Variants in EXOC4 observed in about 807,000 individuals in gnomAD.
EXOC4 encodes SEC8-like 1.
EXOC4 carries 71 observed loss-of-function variants against 107.2 expected under a neutral mutation model. The observed-to-expected ratio is 0.66, with a 90% confidence interval of 0.55 to 0.81. The LOEUF (loss-of-function observed/expected upper bound fraction) is 0.81, where lower values mean the gene tolerates loss of function less well. Ranked by LOEUF, EXOC4 falls within the 30% of genes least tolerant of loss-of-function variation. The probability of loss-of-function intolerance (pLI) is 0.00; values close to 1 mark genes in which losing one functional copy is unlikely to be tolerated. For missense variants in EXOC4, 1,108 were observed against 1,189.6 expected (o/e 0.93, Z 1.01); for synonymous variants, 456 against 441.2 (o/e 1.03, Z -0.42).
chr7:133,272,389 G>A (rs924935221), intron 1 of EXOC4, among the ~76,000 whole-genome samples: 11 of 152,006 alleles, frequency 7.2e-5, no homozygotes, highest in Admixed American at 4.6e-4. Flanking sequence ...TTAATTCAAC[G>A]TCTTTAAATC....
intron 9 of EXOC4, among the ~76,000 whole-genome samples, chr7:133,575,713 C>T (rs1407262798): frequency 6.6e-6 from 1 of 152,192 alleles, no homozygotes; most frequent in Non-Finnish European, 1.5e-5. Flanking sequence ...TCTCTCCTCC[C>T]TGGCTTCCCT....
At chr7:133,743,023 A>G (rs1166523890) in intron 10 of EXOC4, among the ~76,000 whole-genome samples, 4 of 152,182 alleles carry the variant, frequency 2.6e-5, no homozygotes, top group Non-Finnish European at 5.9e-5. Context: ...TCTTAAACCA[A>G]AGTCTGTACT....
At chr7:134,044,879 T>G (rs1327585081) in intron 17 of EXOC4, among the ~76,000 whole-genome samples, 1 of 152,236 alleles carries the variant, frequency 6.6e-6, no homozygotes, top group Non-Finnish European at 1.5e-5. Context: ...TTTTCTGATT[T>G]GAACTATTTT....
At chr7:133,580,349 G>C (rs571181860) in intron 9 of EXOC4, among the ~76,000 whole-genome samples, 4 of 152,156 alleles carry the variant, frequency 2.6e-5, no homozygotes, top group African/African-American at 9.6e-5. Context: ...AATTCTTTTG[G>C]ATATCTACTC....
chr7:133,858,355 T>C (rs758495829), intron 11 of EXOC4, among the ~76,000 whole-genome samples: 14 of 152,058 alleles, frequency 9.2e-5, no homozygotes, highest in Non-Finnish European at 1.9e-4. Flanking sequence ...TTTTATGGAC[T>C]CAAAAATGGA....
intron 16 of EXOC4, among the ~76,000 whole-genome samples, chr7:134,006,600 A>G (rs1264839402): frequency 6.6e-6 from 1 of 152,098 alleles, no homozygotes; most frequent in Non-Finnish European, 1.5e-5. Flanking sequence ...ATGGGGAGCC[A>G]TGGACCTAAA....
chr7:133,819,536 C>T (rs926452165), intron 11 of EXOC4, among the ~76,000 whole-genome samples: 1 of 146,242 alleles, frequency 6.8e-6, no homozygotes, highest in Non-Finnish European at 1.5e-5. Context: ...TGGATGGATA[C>T]AGTGAATAAG....
At chr7:133,595,338 A>G (rs971744038) in intron 9 of EXOC4, among the ~76,000 whole-genome samples, 5 of 152,154 alleles carry the variant, frequency 3.3e-5, no homozygotes, top group African/African-American at 9.7e-5. Flanking sequence ...GTCTGTCTCT[A>G]CCTTTCCCCT....
At chr7:134,003,279 G>A (rs1445620853) in intron 15 of EXOC4, among the ~76,000 whole-genome samples, 2 of 152,182 alleles carry the variant, frequency 1.3e-5, no homozygotes, top group Non-Finnish European at 2.9e-5. Flanking sequence ...ATGAGTGGTT[G>A]CCAAAGGTTT....
intron 10 of EXOC4, among the ~76,000 whole-genome samples, chr7:133,674,696 G>A (rs960299988): frequency 1.3e-5 from 2 of 152,134 alleles, no homozygotes; most frequent in African/African-American, 4.8e-5. Flanking sequence ...TATGAATACA[G>A]TTCATCTCTT....
intron 1 of EXOC4, 115 bp from the exon 2 acceptor site, chr7:133,274,867 G>A: frequency 3.9e-6 from 3 of 767,440 alleles, no homozygotes; most frequent in Non-Finnish European, 5.9e-6. Flanking sequence ...TCATTTCCTA[G>A]TTAATAAGAT....
intron 7 of EXOC4, among the ~76,000 whole-genome samples, chr7:133,404,144 G>A (rs183163772): frequency 4.9e-4 from 74 of 152,252 alleles, no homozygotes; most frequent in Middle Eastern, 3.4e-3. Flanking sequence ...CTGTTGCTCA[G>A]GCTGGAGTGC....
chr7:133,930,267 T>G (rs1800147300), intron 13 of EXOC4, among the ~76,000 whole-genome samples: 1 of 152,200 alleles, frequency 6.6e-6, no homozygotes, highest in African/African-American at 2.4e-5. Context: ...ACAGAAGTCC[T>G]AGCGCCTAAA....
At chr7:133,502,188 C>G (rs912720479) in intron 9 of EXOC4, among the ~76,000 whole-genome samples, 3 of 151,706 alleles carry the variant, frequency 2.0e-5, no homozygotes, top group African/African-American at 7.3e-5. Flanking sequence ...AAAAAAGAGT[C>G]GTTTGATTTT....
At chr7:133,792,274 A>C (rs552289926) in intron 10 of EXOC4, among the ~76,000 whole-genome samples, 21 of 152,264 alleles carry the variant, frequency 1.4e-4, no homozygotes, top group African/African-American at 5.1e-4. Flanking sequence ...AAAATGCCTT[A>C]AAATGAGATG....
At chr7:133,679,659 C>G (rs904270057) in intron 10 of EXOC4, among the ~76,000 whole-genome samples, 1 of 152,138 alleles carries the variant, frequency 6.6e-6, no homozygotes, top group Non-Finnish European at 1.5e-5. Context: ...TCCACCTTTT[C>G]CTCATAAAGT....
chr7:133,691,691 G>A (rs1371431821), intron 10 of EXOC4, among the ~76,000 whole-genome samples: 1 of 152,146 alleles, frequency 6.6e-6, no homozygotes, highest in African/African-American at 2.4e-5. Flanking sequence ...TAAGTGGCAG[G>A]TAGGAAATCA....
At chr7:133,614,264 T>C (rs1406271120) in intron 9 of EXOC4, among the ~76,000 whole-genome samples, 2 of 152,170 alleles carry the variant, frequency 1.3e-5, no homozygotes, top group Non-Finnish European at 2.9e-5. Context: ...GATTTATGAT[T>C]GGGACTGCCC....
At chr7:133,309,591 G>A (rs916294811) in intron 4 of EXOC4, among the ~76,000 whole-genome samples, 1 of 152,124 alleles carries the variant, frequency 6.6e-6, no homozygotes, top group Non-Finnish European at 1.5e-5. Flanking sequence ...ATATATGTAA[G>A]TAACTGACAA....
Sources: gnomAD v4.1 joint callset for allele counts (sites outside exome capture counted in the v4.1 genomes callset) on GRCh38, gnomAD v4.1.1 for gene constraint, MANE v1.5 for transcripts, NCBI Gene and HGNC (gene_info 2026-07-23, HGNC 2026-07-21) for gene names.